CEP128: variants seen among roughly 807,000 people sequenced by gnomAD.
CEP128 encodes the protein centrosomal protein 128kDa.
A neutral mutation model predicts 156.7 loss-of-function variants in CEP128; 132 were observed. The ratio of observed to expected loss-of-function variants is 0.84; its 90% CI spans 0.73 to 0.97. The LOEUF is 0.97. Among genes scored for constraint, CEP128 ranks in the 50% least tolerant of loss-of-function variants. The pLI is 0.00. For synonymous variants in CEP128, 469 were observed against 448.9 expected (o/e 1.04, Z -0.57); for missense variants, 1,252 against 1,281.9 (o/e 0.98, Z 0.36).
chr14:80,490,289 C>T (rs1887280979), downstream of CEP128, among the ~76,000 whole-genome samples: 1 of 152,072 alleles, frequency 6.6e-6, no homozygotes, highest in South Asian at 2.1e-4. Context: ...AAATTAAAAT[C>T]TCCCTTCATA....
intron 16 of CEP128, among the ~76,000 whole-genome samples, chr14:80,767,832 T>A (rs1900314886): frequency 6.6e-6 from 1 of 152,156 alleles, no homozygotes; most frequent in Admixed American, 6.5e-5. Context: ...AGGTTAAAAC[T>A]TAGGTATGAC....
At chr14:80,846,488 A>T (rs1166005915) in intron 9 of CEP128, among the ~76,000 whole-genome samples, 1 of 152,168 alleles carries the variant, frequency 6.6e-6, no homozygotes, top group Non-Finnish European at 1.5e-5. Context: ...GCTCACGGTT[A>T]GTAGGATGGT....
At chr14:80,816,167 T>C (rs553846125) in intron 13 of CEP128, among the ~76,000 whole-genome samples, 1 of 152,308 alleles carries the variant, frequency 6.6e-6, no homozygotes, top group African/African-American at 2.4e-5. Flanking sequence ...ATAATCAGTA[T>C]CTATGGCATC....
At chr14:80,942,889 G>A (rs938659758), upstream of CEP128, among the ~76,000 whole-genome samples, 3 of 151,220 alleles carry the variant, frequency 2.0e-5, no homozygotes, top group Non-Finnish European at 4.4e-5. Flanking sequence ...TGATATAGTC[G>A]TATTATTCAA....
At chr14:80,538,229 A>G (rs950594531) in intron 21 of CEP128, among the ~76,000 whole-genome samples, 1 of 152,180 alleles carries the variant, frequency 6.6e-6, no homozygotes, top group Non-Finnish European at 1.5e-5. Flanking sequence ...GTGACCATCT[A>G]AAATTAGAGT....
At chr14:80,566,903 GAAA>G (rs11321503) in intron 20 of CEP128, among the ~76,000 whole-genome samples, 7 of 144,934 alleles carry the variant, frequency 4.8e-5, no homozygotes, top group African/African-American at 1.8e-4. Flanking sequence ...AGTTGTCAAG[GAAA>G]AAAAAAAAAA....
chr14:80,902,491 A>G (rs535189268), intron 6 of CEP128, among the ~76,000 whole-genome samples: 1 of 152,328 alleles, frequency 6.6e-6, no homozygotes, highest in African/African-American at 2.4e-5. Flanking sequence ...ACAGATGAGT[A>G]TCTTAAGATA....
intron 19 of CEP128, among the ~76,000 whole-genome samples, chr14:80,668,996 T>C (rs1895736063): frequency 6.6e-6 from 1 of 152,208 alleles, no homozygotes; most frequent in African/African-American, 2.4e-5. Flanking sequence ...TGCAGAGCTG[T>C]GAGTCAATTA....
intron 21 of CEP128, among the ~76,000 whole-genome samples, chr14:80,532,314 C>A (rs980280540): frequency 6.6e-6 from 1 of 152,064 alleles, no homozygotes; most frequent in African/African-American, 2.4e-5. Flanking sequence ...TGACCTCAGC[C>A]TCTGAGGACC....
intron 16 of CEP128, among the ~76,000 whole-genome samples, chr14:80,769,041 A>C (rs1238126264): frequency 2.0e-5 from 3 of 152,218 alleles, no homozygotes; most frequent in Non-Finnish European, 4.4e-5. Context: ...TAACATCCAT[A>C]ATTTAAAAAT....
intron 19 of CEP128, among the ~76,000 whole-genome samples, chr14:80,655,185 G>A (rs1380848437): frequency 6.6e-6 from 1 of 151,988 alleles, no homozygotes; most frequent in Non-Finnish European, 1.5e-5. Context: ...GTGGAATGGA[G>A]GATACAAGAC....
intron 2 of CEP128, chr14:80,955,334 G>GCGAGGGGCGCCCGGGGT (rs1555366297): frequency 1.1e-5 from 5 of 448,580 alleles, no homozygotes; most frequent in Admixed American, 7.0e-5. Flanking sequence ...GAGAACTAAT[G>GCGAGGGGCGCCCGGGGT]GGAGGGGCGC....
chr14:80,579,296 T>C (rs1479680274), intron 20 of CEP128, among the ~76,000 whole-genome samples: 1 of 152,014 alleles, frequency 6.6e-6, no homozygotes, highest in Non-Finnish European at 1.5e-5. Flanking sequence ...ACACTTGAGA[T>C]TCTTCCTAGC....
chr14:80,734,351 C>A (rs1898421725), intron 19 of CEP128, among the ~76,000 whole-genome samples: 1 of 151,902 alleles, frequency 6.6e-6, no homozygotes, highest in Admixed American at 6.6e-5. Flanking sequence ...AGGAAGGGGC[C>A]CACAAAAGCG....
At chr14:80,559,341 C>A in intron 20 of CEP128, 39 bp from the exon 21 acceptor site, 6 of 1,538,690 alleles carry the variant, frequency 3.9e-6, no homozygotes, top group Non-Finnish European at 5.3e-6. Context: ...AAAACGAAGG[C>A]TGTTTAAAAT....
downstream of CEP128, among the ~76,000 whole-genome samples, chr14:80,493,184 T>C (rs1887382579): frequency 6.6e-6 from 1 of 152,186 alleles, no homozygotes; most frequent in African/African-American, 2.4e-5. Context: ...TGCAGGACAG[T>C]CTAGCATATG....
intron 2 of CEP128, chr14:80,955,954 G>GT: frequency 7.3e-7 from 1 of 1,378,294 alleles, no homozygotes; most frequent in South Asian, 1.2e-5. Context: ...GAAGTAGTGT[G>GT]TGAGTGTGTG....
intron 19 of CEP128, among the ~76,000 whole-genome samples, chr14:80,671,666 A>T (rs963889252): frequency 1.3e-5 from 2 of 152,202 alleles, no homozygotes; most frequent in African/African-American, 4.8e-5. Flanking sequence ...AAAAATGTAG[A>T]TATGTGTACA....
At chr14:80,554,447 GC>G (rs1890343139) in intron 21 of CEP128, among the ~76,000 whole-genome samples, 1 of 152,006 alleles carries the variant, frequency 6.6e-6, no homozygotes, top group Non-Finnish European at 1.5e-5. Flanking sequence ...GAAATTATCT[GC>G]CCCTAGAACA....
Sources: gnomAD v4.1 joint callset for allele counts (sites outside exome capture counted in the v4.1 genomes callset) on GRCh38, gnomAD v4.1.1 for gene constraint, MANE v1.5 for transcripts, NCBI Gene and HGNC (gene_info 2026-07-23, HGNC 2026-07-21) for gene names.